Variants in CEP104 observed in about 807,000 individuals in gnomAD.
CEP104 encodes centrosomal protein 104, also known as centrosomal protein of 104 kDa.
CEP104 carries 84 observed loss-of-function variants against 113.3 expected under a neutral mutation model. That is an observed-to-expected ratio of 0.74 (90% CI 0.62 to 0.89). The LOEUF is 0.89. CEP104 is among the 40% of genes least tolerant of loss of function. The pLI, the probability that CEP104 is intolerant of heterozygous loss-of-function variation, is 0.00. For missense variants in CEP104, 1,053 were observed against 1,156.6 expected (o/e 0.91, Z 1.30); for synonymous variants, 378 against 421.7 (o/e 0.90, Z 1.27).
rs748487971 is a variant in CEP104, at chr1:3,823,524, C to T, written c.2403G>A (p.Thr801=). 7 of 1,614,082 alleles carry T rather than the reference C, an allele frequency of 4.3e-6. No individual in the cohort carries two copies. The highest frequency in any genetic ancestry group is 1.7e-5 in the Admixed American group (1 of 60,006). The change falls in exon 19 of 22, where the codon ACG becomes ACA. Residue 801 remains threonine (T), a synonymous_variant. Coordinates refer to ENST00000378230, the MANE Select transcript of CEP104 (RefSeq NM_014704.4). The surrounding 1 kb of genome is among the most constrained non-coding windows in gnomAD (Gnocchi z 4.1). ...CAAACCCGTCTTTTTTGTCACATTCCGTCAGCAAGTGCTCCGTCAGACTGG... is the reference window on the plus strand; with the variant it reads ...CAAACCCGTCTTTTTTGTCACATTCTGTCAGCAAGTGCTCCGTCAGACTGG... ...EISSLTEHLL[T]ECDKKDGFGK... is the part of the protein sequence containing the mutation.
In CEP104 at chr1:3,837,511, T is replaced by A. The variant is rs1644338085; in HGVS notation, c.900A>T (p.Arg300Ser). ...HSLLDAELMR[R>S]PFDLPLQPLA... is the part of the protein sequence containing the mutation. ...GGGGCTGGAGGGGCAAATCAAAAGG[T>A]CTTCGCATCTAGAGAACAAAAAGGA... The change falls in exon 9 of 22, where the codon AGA (arginine) becomes AGT (serine). Residue 300 changes from arginine to serine, a missense_variant. Coordinates refer to ENST00000378230, the MANE Select transcript of CEP104 (RefSeq NM_014704.4). The A allele has an allele frequency of 6.2e-7, 1 of 1,614,012 alleles. No homozygotes were observed. The highest frequency in any genetic ancestry group is 1.7e-5 in the Admixed American group (1 of 60,004).
At chr1:3,856,397 T>C (rs754736597) in intron 1 of CEP104, among the ~76,000 whole-genome samples, 6 of 152,236 alleles carry the variant, frequency 3.9e-5, no homozygotes, top group Non-Finnish European at 8.8e-5. Flanking sequence ...TATGGGTTTC[T>C]GATCAAGTCA....
intron 2 of CEP104, among the ~76,000 whole-genome samples, chr1:3,849,714 C>T (rs1570851408): frequency 6.6e-6 from 1 of 152,030 alleles, no homozygotes; most frequent in African/African-American, 2.4e-5. Context: ...TCTTTCATGT[C>T]AGTAAAGGGC....
chr1:3,845,139 T>C (rs1046478675), intron 5 of CEP104, 150 bp downstream of exon 5: 72 of 810,014 alleles, frequency 8.9e-5, no homozygotes, highest in Non-Finnish European at 1.4e-4. Flanking sequence ...AAGTTTCATA[T>C]GCTACAGCTC....
intron 21 of CEP104, among the ~76,000 whole-genome samples, chr1:3,815,828 T>G (rs922398810): frequency 3.3e-5 from 5 of 152,058 alleles, no homozygotes; most frequent in Non-Finnish European, 7.4e-5. Flanking sequence ...AGCTGGACTA[T>G]AGGTGCCGGC....
rs1553162951 is a variant in CEP104 at position 3,836,477 on chromosome 1, T to TTTG, written c.1317+17_1317+18insCAA. On this transcript the variant is annotated intron_variant, in intron 10 of 21. Transcript: ENST00000378230. ...TCCCCTCTGCCACCCCGTTTTTTTTTTTTTTTTTTTTTTTTACCAAGGTTT... is the reference window on the plus strand; with the variant it reads ...TCCCCTCTGCCACCCCGTTTTTTTTTTTGTTTTTTTTTTTTTTTACCAAGGTTT... 2 of 1,451,482 alleles carry TTTG rather than the reference T, an allele frequency of 1.4e-6. No individual in the cohort carries two copies. The highest frequency in any genetic ancestry group is 3.0e-5 in the African/African-American group (2 of 67,410). 89.9% of individuals were successfully genotyped at this position (1,451,482 alleles called of 1,614,324 possible). A position where few individuals can be genotyped will look rare whatever the true frequency, so the allele number is the denominator to read the frequency against.
chr1:3,831,316 G>A lies in CEP104; in HGVS notation c.1660-94C>T, dbSNP rs970842177. ...ATGATCTTAAACTAAACACTGAAGGGAAAAACAGGGAAATACAGATTGATA... is the reference window on the plus strand; with the variant it reads ...ATGATCTTAAACTAAACACTGAAGGAAAAAACAGGGAAATACAGATTGATA... On this transcript the variant is annotated intron_variant, in intron 12 of 21. Coordinates refer to ENST00000378230, the MANE Select transcript of CEP104 (RefSeq NM_014704.4). The A allele has an allele frequency of 1.9e-5, 20 of 1,028,516 alleles. No homozygotes were observed. The African/African-American group carries it at 3.2e-4, about 16-fold the overall frequency. 63.7% of individuals were successfully genotyped at this position (1,028,516 alleles called of 1,614,324 possible).
chr1:3,824,667 G>A lies in CEP104; in HGVS notation c.2364+1091C>T, dbSNP rs188231586. Among the ~76,000 whole-genome samples the A allele has an allele frequency of 1.7e-4, 26 of 152,286 alleles. No homozygotes were observed. In the East Asian group the frequency reaches 4.8e-3, roughly 28 times the overall value. On this transcript the variant is annotated intron_variant, in intron 18 of 21. Transcript: ENST00000378230. Reference sequence around the variant, plus strand: ...ACAGATGGACAACCCGAGGGAAACCGGTGAGAAACCAGGTGCTTTGCAGGA... The same window carrying A: ...ACAGATGGACAACCCGAGGGAAACCAGTGAGAAACCAGGTGCTTTGCAGGA...
At chr1:3,849,447 T>C (rs1644571042) in intron 2 of CEP104, among the ~76,000 whole-genome samples, 1 of 152,058 alleles carries the variant, frequency 6.6e-6, no homozygotes, top group South Asian at 2.1e-4. Flanking sequence ...CCCAGGCTGG[T>C]CTTGAACTCC....
intron 1 of CEP104, among the ~76,000 whole-genome samples, chr1:3,853,399 T>TC (rs1644653310): frequency 7.3e-6 from 1 of 137,722 alleles, no homozygotes; most frequent in Non-Finnish European, 1.6e-5. Flanking sequence ...GTCTAAATCA[T>TC]CGGGGGAAAA....
At chr1:3,816,103 C>T (rs770487850) in intron 21 of CEP104, 177 bp downstream of exon 21, 19 of 563,894 alleles carry the variant, frequency 3.4e-5, no homozygotes, top group Middle Eastern at 9.4e-4. Context: ...TTTGGTCACA[C>T]GATTCTGATT....
In CEP104 at chr1:3,830,000, A is replaced by G. The variant is rs776216531; in HGVS notation, c.1837-3T>C. 4 of 1,612,072 alleles carry G rather than the reference A, an allele frequency of 2.5e-6. No individual in the cohort carries two copies. The highest frequency in any genetic ancestry group is 1.3e-5 in the African/African-American group (1 of 75,012). The stretch of plus-strand genomic sequence containing the variant: ...TGCTCCAGGGCACTCACTGAAAACT[A>G]AAGTTGGGAGGGGCTCTTGTTACTC... On this transcript the variant is annotated splice_polypyrimidine_tract_variant and splice_region_variant and intron_variant, in intron 13 of 21. Transcript: ENST00000378230.
chr1:3,816,054 C>G, intron 21 of CEP104: 1 of 498,690 alleles, frequency 2.0e-6, no homozygotes. Flanking sequence ...ACCCGTGGAG[C>G]CTTCGCACTG....
intron 20 of CEP104, among the ~76,000 whole-genome samples, chr1:3,820,341 G>A (rs1455519888): frequency 1.3e-5 from 2 of 152,202 alleles, no homozygotes; most frequent in East Asian, 1.9e-4. Flanking sequence ...GTAACAACTC[G>A]AATGCAAACA....
intron 17 of CEP104, 89 bp from the exon 18 acceptor site, chr1:3,825,955 T>A (rs1644082422): frequency 1.1e-6 from 1 of 890,464 alleles, no homozygotes; most frequent in African/African-American, 1.6e-5. Context: ...AATTCTGAAT[T>A]TCCCCAGTCC....
rs900842937 is a variant in CEP104, at chr1:3,812,882, C to T, written c.*2520G>A. ...CAAAACAAAAACAAAAACAAAAAAA[C>T]AACAAAAAAACCCCCTGTAACTAAC... is the stretch of plus-strand genomic sequence containing the variant. On this transcript the variant is annotated 3_prime_UTR_variant, in exon 22 of 22. Transcript: ENST00000378230. 6.6e-6 allele frequency: 1 copy of T among 151,806 alleles called. No homozygotes were observed. 9.4% of individuals were successfully genotyped at this position (151,806 alleles called of 1,614,324 possible).
chr1:3,851,195 C>T (rs147847267), intron 2 of CEP104, among the ~76,000 whole-genome samples: 2,135 of 152,220 alleles, frequency 0.014, 37 homozygotes, highest in South Asian at 0.071. Context: ...GACAAAGGCG[C>T]TGTCTGGCCC....
chr1:3,854,053 C>T (rs563644159), intron 1 of CEP104, among the ~76,000 whole-genome samples: 25 of 152,350 alleles, frequency 1.6e-4, no homozygotes, highest in African/African-American at 5.5e-4. Flanking sequence ...GCTCCCACTC[C>T]TTCGTGACCT....
intron 3 of CEP104, chr1:3,847,832 TTTG>T (rs879805634): frequency 6.7e-4 from 353 of 529,102 alleles, no homozygotes; most frequent in Middle Eastern, 1.5e-3. Flanking sequence ...GTATTCTTCT[TTTG>T]TTGTTGTTGT....
Sources: gnomAD v4.1 joint callset for allele counts (sites outside exome capture counted in the v4.1 genomes callset) on GRCh38, gnomAD v4.1.1 for gene constraint, Gnocchi (gnomAD v3.1) non-coding constraint, MANE v1.5 for transcripts, NCBI Gene and HGNC (gene_info 2026-07-23, HGNC 2026-07-21) for gene names.